Variants in CCSER1 observed in about 807,000 individuals in gnomAD.
CCSER1 encodes the protein coiled-coil serine rich protein 1, also known as serine-rich coiled-coil domain-containing protein 1.
A neutral mutation model predicts 82.0 loss-of-function variants in CCSER1; 41 were observed. The observed-to-expected ratio is 0.50, with a 90% confidence interval of 0.39 to 0.65. CCSER1 has a LOEUF of 0.65. CCSER1 is among the 30% of genes least tolerant of loss of function. The pLI is 0.00. For synonymous variants in CCSER1, 414 were observed against 383.9 expected (o/e 1.08, Z -0.92); for missense variants, 1,119 against 1,064.2 (o/e 1.05, Z -0.72).
At position 90,543,650 on chromosome 4, in the gene CCSER1, C is replaced by T. The variant is rs567137361; in HGVS notation, c.1724+75296C>T. 3.3e-5 allele frequency among the ~76,000 whole-genome samples: 5 copies of T among 152,216 alleles called. No homozygotes were observed. In the East Asian group the frequency reaches 9.6e-4, roughly 29 times the overall value. ...ACCTTCATATCACAAAATGAGTTTGCTTATCAGGCATAGAGTGAAATGTTT... is the reference window on the plus strand; with the variant it reads ...ACCTTCATATCACAAAATGAGTTTGTTTATCAGGCATAGAGTGAAATGTTT... On this transcript the variant is annotated intron_variant, in intron 5 of 10. Transcript: ENST00000509176.
At chr4:91,238,828 A>AT (rs5860225) in intron 10 of CCSER1, among the ~76,000 whole-genome samples, 44,179 of 146,330 alleles carry the variant, frequency 0.3, 7,108 homozygotes, top group East Asian at 0.41. Context: ...TATTTTAAGC[A>AT]TTTTTTTTTT....
At chr4:90,835,205 C>T (rs1761644375) in intron 8 of CCSER1, among the ~76,000 whole-genome samples, 1 of 152,080 alleles carries the variant, frequency 6.6e-6, no homozygotes, top group Admixed American at 6.6e-5. Flanking sequence ...GTGGTGGACG[C>T]CTGTAGTCCC....
At chr4:90,981,355 A>G (rs1355165902) in intron 9 of CCSER1, among the ~76,000 whole-genome samples, 1 of 151,810 alleles carries the variant, frequency 6.6e-6, no homozygotes, top group African/African-American at 2.4e-5. Context: ...TTATACACGG[A>G]TGAAAATTTA....
intron 10 of CCSER1, among the ~76,000 whole-genome samples, chr4:91,235,716 C>T (rs1179103623): frequency 6.6e-6 from 1 of 151,794 alleles, no homozygotes; most frequent in Non-Finnish European, 1.5e-5. Context: ...AGTAATCAGG[C>T]CAATTAGAAG....
At chr4:91,273,044 G>T (rs958345728) in intron 10 of CCSER1, among the ~76,000 whole-genome samples, 2 of 151,896 alleles carry the variant, frequency 1.3e-5, no homozygotes, top group African/African-American at 4.8e-5. Flanking sequence ...CTCCAGATAT[G>T]TTCTTTTTGC....
At chr4:91,000,053 C>T (rs1305869471) in intron 9 of CCSER1, among the ~76,000 whole-genome samples, 1 of 151,896 alleles carries the variant, frequency 6.6e-6, no homozygotes, top group Non-Finnish European at 1.5e-5. Context: ...GTTCTTTCCC[C>T]ACTGTTTATT....
chr4:91,238,738 G>T (rs1212101166), intron 10 of CCSER1, among the ~76,000 whole-genome samples: 2 of 152,114 alleles, frequency 1.3e-5, no homozygotes, highest in Non-Finnish European at 2.9e-5. Flanking sequence ...CATTTCAAAA[G>T]CTGGTGATCT....
chr4:90,745,969 G>A lies in CCSER1; in HGVS notation c.2010+21978G>A, dbSNP rs144336100. Among the ~76,000 whole-genome samples, 1,519 of 151,972 alleles carry A rather than the reference G, an allele frequency of 1.0e-2. 31 individuals carry two copies. Among genetic ancestry groups the A allele is most frequent in the African/African-American group, 0.034 (1,392 of 41,462 alleles). On this transcript the variant is annotated intron_variant, in intron 7 of 10. Transcript: ENST00000509176. ...CCCGCCTCGGCCTCCCAAAGTGCTG[G>A]GGTTACAGGCGTGAGCCACCACGCC...
At chr4:91,095,662 A>T (rs1269629181) in intron 10 of CCSER1, among the ~76,000 whole-genome samples, 1 of 152,180 alleles carries the variant, frequency 6.6e-6, no homozygotes, top group Non-Finnish European at 1.5e-5. Context: ...TACATACGAT[A>T]GGCCTCACAC....
chr4:91,605,173 G>A lies in CCSER1; in HGVS notation c.*6116G>A, dbSNP rs2110372842. 1 of 151,974 alleles carries A rather than the reference G, an allele frequency of 6.6e-6. No homozygotes were observed. Among genetic ancestry groups the A allele is most frequent in the African/African-American group, 2.4e-5 (1 of 41,508 alleles). The allele number at this position is 151,974 out of a possible 1,614,324, so 9.4% of individuals were successfully genotyped here. ...CTCTTGATTTCCTAAGAAAAATAGT[G>A]ATTTTTATTTAATGAAAATTTCTCA... On this transcript the variant is annotated 3_prime_UTR_variant, in exon 11 of 11. Transcript: ENST00000509176.
intron 9 of CCSER1, among the ~76,000 whole-genome samples, chr4:91,081,960 A>C (rs1291382980): frequency 1.3e-5 from 2 of 152,210 alleles, no homozygotes; most frequent in Non-Finnish European, 2.9e-5. Context: ...GGTAGGAAGA[A>C]TCAATATCGT....
At chr4:91,266,495 C>T (rs1469165818) in intron 10 of CCSER1, among the ~76,000 whole-genome samples, 1 of 152,058 alleles carries the variant, frequency 6.6e-6, no homozygotes, top group Non-Finnish European at 1.5e-5. Context: ...TCGTGATCTG[C>T]CCACCTCGGC....
rs1560952314 is a variant in CCSER1 at position 90,287,588 on chromosome 4, A to G, written c.-41-20656A>G. On this transcript the variant is annotated intron_variant, in intron 1 of 10. Coordinates refer to ENST00000509176, the MANE Select transcript of CCSER1 (RefSeq NM_001145065.2). ...ATGAGGACATAGTTCTGATAAGAAC[A>G]TGTTTCATTCAACATAATGCCATGT... is the stretch of plus-strand genomic sequence containing the variant. 3.9e-5 allele frequency among the ~76,000 whole-genome samples: 6 copies of G among 151,952 alleles called. No individual in the cohort carries two copies. The South Asian group carries it at 6.2e-4, about 16-fold the overall frequency.
intron 10 of CCSER1, among the ~76,000 whole-genome samples, chr4:91,225,380 GATATA>G (rs545516289): frequency 7.3e-5 from 9 of 122,752 alleles, no homozygotes; most frequent in Non-Finnish European, 1.5e-4. Context: ...TAATATATAT[GATATA>G]ATATATATAT....
intron 5 of CCSER1, among the ~76,000 whole-genome samples, chr4:90,626,279 A>T (rs184733295): frequency 6.6e-6 from 1 of 150,476 alleles, no homozygotes; most frequent in Non-Finnish European, 1.5e-5. Context: ...TATGCCAAAT[A>T]GCAGGCAAGT....
chr4:91,098,849 T>G (rs983007403), intron 10 of CCSER1, among the ~76,000 whole-genome samples: 1 of 149,750 alleles, frequency 6.7e-6, no homozygotes, highest in African/African-American at 2.4e-5. Context: ...CTGAGAATTG[T>G]TTTTTTAAAG....
chr4:90,153,955 G>A (rs918454068), intron 1 of CCSER1, among the ~76,000 whole-genome samples: 3 of 152,148 alleles, frequency 2.0e-5, no homozygotes, highest in African/African-American at 7.2e-5. Context: ...CCTTGCCCAT[G>A]CCTCTGTCCT....
At chr4:90,915,181 C>T (rs962665516) in intron 8 of CCSER1, among the ~76,000 whole-genome samples, 1 of 152,130 alleles carries the variant, frequency 6.6e-6, no homozygotes, top group Non-Finnish European at 1.5e-5. Flanking sequence ...CAGCATCATC[C>T]TGATACCAAA....
chr4:90,466,216 G>T (rs1763618363), intron 4 of CCSER1, among the ~76,000 whole-genome samples: 1 of 152,184 alleles, frequency 6.6e-6, no homozygotes, highest in African/African-American at 2.4e-5. Context: ...GGCCTCACAT[G>T]AGCCCTTTAA....
Sources: gnomAD v4.1 joint callset for allele counts (sites outside exome capture counted in the v4.1 genomes callset) on GRCh38, gnomAD v4.1.1 for gene constraint, MANE v1.5 for transcripts, NCBI Gene and HGNC (gene_info 2026-07-23, HGNC 2026-07-21) for gene names.